Variants in LOC400499 observed in about 807,000 individuals in gnomAD.
the LOC400499 span, chr16:11,417,733 C>T: frequency 2.3e-5 from 9 of 399,188 alleles, no homozygotes; most frequent in South Asian, 1.0e-3. Flanking sequence ...CTCCAGGTGC[C>T]CATCATGGTA....
At chr16:11,434,502 G>A in the LOC400499 span, among the ~76,000 whole-genome samples, 2,571 of 152,264 alleles carry the variant, frequency 0.017, 91 homozygotes, top group African/African-American at 0.059. Flanking sequence ...GGTATATAGA[G>A]TCAGAACCGA....
the LOC400499 span, chr16:11,423,256 C>A: frequency 5.0e-6 from 2 of 399,080 alleles, no homozygotes; most frequent in African/African-American, 4.1e-5. Flanking sequence ...CTGCAGTTGA[C>A]CTACAGAGAC....
chr16:11,385,584 C>T, the LOC400499 span, among the ~76,000 whole-genome samples: 1 of 152,256 alleles, frequency 6.6e-6, no homozygotes, highest in African/African-American at 2.4e-5. Context: ...AGGGATCCCC[C>T]ACCGGCTTCA....
At chr16:11,462,198 T>A in the LOC400499 span, 6 of 1,534,854 alleles carry the variant, frequency 3.9e-6, no homozygotes, top group African/African-American at 8.2e-5. Flanking sequence ...CGTGTGAGGT[T>A]CCCGGTGAAG....
At chr16:11,461,021 G>A in the LOC400499 span, 1 of 1,536,144 alleles carries the variant, frequency 6.5e-7, no homozygotes, top group South Asian at 1.2e-5. Flanking sequence ...CGTTGCTGCA[G>A]CAGGCCAAGG....
chr16:11,522,620 A>T, the LOC400499 span, among the ~76,000 whole-genome samples: 1 of 152,218 alleles, frequency 6.6e-6, no homozygotes, highest in African/African-American at 2.4e-5. Flanking sequence ...ACCAACTTTG[A>T]GGTGAATACT....
chr16:11,430,896 C>T, the LOC400499 span: 1 of 396,950 alleles, frequency 2.5e-6, no homozygotes, highest in Admixed American at 4.4e-5. Context: ...ATCATCCATA[C>T]CCCTTTATCT....
chr16:11,432,498 G>A, the LOC400499 span, among the ~76,000 whole-genome samples: 2 of 152,180 alleles, frequency 1.3e-5, no homozygotes, highest in African/African-American at 2.4e-5. Flanking sequence ...GCTCAAATAA[G>A]CAGTTAGCAG....
At chr16:11,392,214 G>A in the LOC400499 span, 1 of 399,014 alleles carries the variant, frequency 2.5e-6, no homozygotes, top group East Asian at 3.6e-5. Flanking sequence ...CCTGGTTTCT[G>A]GGCACAGCTG....
At chr16:11,389,022 G>C in the LOC400499 span, among the ~76,000 whole-genome samples, 2 of 152,208 alleles carry the variant, frequency 1.3e-5, no homozygotes, top group African/African-American at 2.4e-5. Flanking sequence ...GGGAGGCAGA[G>C]GTTGCAGTGA....
chr16:11,461,139 G>A, the LOC400499 span: 1,389 of 1,525,740 alleles, frequency 9.1e-4, 17 homozygotes, highest in African/African-American at 0.017. Context: ...CAGAGAGCAG[G>A]CAGATGAGAG....
At chr16:11,482,606 T>A in the LOC400499 span, among the ~76,000 whole-genome samples, 1 of 152,134 alleles carries the variant, frequency 6.6e-6, no homozygotes, top group Non-Finnish European at 1.5e-5. Context: ...AGAACTTGTT[T>A]CTGGTCAGCC....
At chr16:11,386,025 G>C in the LOC400499 span, among the ~76,000 whole-genome samples, 1 of 152,164 alleles carries the variant, frequency 6.6e-6, no homozygotes, top group Non-Finnish European at 1.5e-5. Flanking sequence ...AACAGAGTGA[G>C]ACCTAGTCTC....
chr16:11,509,117 T>G, the LOC400499 span, among the ~76,000 whole-genome samples: 103 of 106,820 alleles, frequency 9.6e-4, 2 homozygotes, highest in South Asian at 0.026. Flanking sequence ...TATCCTTTTT[T>G]TTCTTTTTTT....
chr16:11,527,303 G>A, the LOC400499 span, among the ~76,000 whole-genome samples: 1 of 152,194 alleles, frequency 6.6e-6, no homozygotes, highest in Non-Finnish European at 1.5e-5. Context: ...CAGGAGGGTA[G>A]AAGGGGAGGT....
At chr16:11,494,889 A>T in the LOC400499 span, 1 of 397,436 alleles carries the variant, frequency 2.5e-6, no homozygotes, top group Non-Finnish European at 4.4e-6. Context: ...GTCTGAACAA[A>T]TTGCTCTTTT....
the LOC400499 span, among the ~76,000 whole-genome samples, chr16:11,447,260 T>G: frequency 2.0e-5 from 3 of 152,148 alleles, no homozygotes; most frequent in African/African-American, 7.2e-5. Flanking sequence ...GGAAAAGGAC[T>G]TGACTGTTCT....
At chr16:11,390,555 C>T in the LOC400499 span, 4 of 1,036,078 alleles carry the variant, frequency 3.9e-6, no homozygotes, top group Non-Finnish European at 4.9e-6. Context: ...GGAGATAGGG[C>T]CTGTTCCTGG....
chr16:11,461,182 C>A, the LOC400499 span: 48 of 1,475,276 alleles, frequency 3.3e-5, no homozygotes, highest in Non-Finnish European at 4.1e-5. Flanking sequence ...CCCCCATCCC[C>A]AGGCAAAGAA....
Sources: allele counts gnomAD v4.1 joint callset (sites outside exome capture counted in the v4.1 genomes callset), GRCh38; gene constraint gnomAD v4.1.1; transcripts MANE v1.5.